The following ERBB4 variants were observed in gnomAD, a reference collection of about 807,000 sequenced individuals.
ERBB4 encodes the protein erb-b2 receptor tyrosine kinase 4.
A neutral mutation model predicts 158.0 loss-of-function variants in ERBB4; 42 were observed. That is an observed-to-expected ratio of 0.27 (90% CI 0.21 to 0.34). ERBB4 has a LOEUF of 0.34. Among genes scored for constraint, ERBB4 ranks in the 10% least tolerant of loss-of-function variants. The pLI is 1.00. For synonymous variants in ERBB4, 583 were observed against 558.7 expected (o/e 1.04, Z -0.61); for missense variants, 1,333 against 1,624.1 (o/e 0.82, Z 3.08).
intron 3 of ERBB4, among the ~76,000 whole-genome samples, chr2:211,807,022 A>T (rs2076634184): frequency 6.6e-6 from 1 of 152,114 alleles, no homozygotes; most frequent in African/African-American, 2.4e-5. Context: ...ATTCTGTTCA[A>T]TAGATGCCTT....
In ERBB4 at chr2:211,858,002, G is replaced by A. The variant is rs550181643; in HGVS notation, c.422-69843C>T. The stretch of plus-strand genomic sequence containing the variant: ...AATAGATGGCACGATGAATGTAAGC[G>A]TGCTTCTAATTCTGTAATTTGAAAG... On this transcript the variant is annotated intron_variant, in intron 3 of 27. Transcript: ENST00000342788. 3.2e-4 allele frequency among the ~76,000 whole-genome samples: 48 copies of A among 152,266 alleles called. 2 individuals are homozygous for A. The South Asian group carries it at 9.3e-3, about 30-fold the overall frequency.
chr2:211,944,571 CT>C (rs1215906455), intron 3 of ERBB4, among the ~76,000 whole-genome samples: 1 of 152,070 alleles, frequency 6.6e-6, no homozygotes, highest in Non-Finnish European at 1.5e-5. Context: ...AAAACCTTAT[CT>C]GTTCCTTTCC....
intron 1 of ERBB4, among the ~76,000 whole-genome samples, chr2:212,315,516 G>C (rs1489657697): frequency 2.6e-5 from 4 of 151,518 alleles, no homozygotes; most frequent in Non-Finnish European, 5.9e-5. Flanking sequence ...ACTTTGATTA[G>C]ATACTGATTC....
At chr2:211,686,948 G>A (rs1362457184) in intron 12 of ERBB4, among the ~76,000 whole-genome samples, 1 of 151,942 alleles carries the variant, frequency 6.6e-6, no homozygotes, top group Admixed American at 6.6e-5. Flanking sequence ...GATTTTATAG[G>A]TGGGCAGAGT....
At chr2:211,956,556 T>C (rs1201023891) in intron 2 of ERBB4, among the ~76,000 whole-genome samples, 2 of 152,058 alleles carry the variant, frequency 1.3e-5, no homozygotes, top group Non-Finnish European at 2.9e-5. Context: ...CAATATTACG[T>C]TCCTCTTCTG....
intron 1 of ERBB4, among the ~76,000 whole-genome samples, chr2:212,234,601 G>A (rs2105992964): frequency 6.6e-6 from 1 of 152,278 alleles, no homozygotes; most frequent in South Asian, 2.1e-4. Context: ...CCCACCAACA[G>A]CGTAAAAGCG....
intron 1 of ERBB4, among the ~76,000 whole-genome samples, chr2:212,138,234 C>T (rs892664180): frequency 2.0e-5 from 3 of 152,166 alleles, no homozygotes; most frequent in African/African-American, 4.8e-5. Flanking sequence ...GCCTACCACA[C>T]ATACGAAATA....
rs183261986 is a variant in ERBB4 at position 211,456,851 on chromosome 2, G to T, written c.2488-25751C>A. Among the ~76,000 whole-genome samples the T allele has an allele frequency of 4.0e-3, 605 of 152,260 alleles. 5 individuals are homozygous for T. The highest frequency in any genetic ancestry group is 0.014 in the African/African-American group (570 of 41,542). On this transcript the variant is annotated intron_variant, in intron 20 of 27. Coordinates refer to ENST00000342788, the MANE Select transcript of ERBB4 (RefSeq NM_005235.3). ...TGCTGCTGCTGATCTGACAGGAGGT[G>T]GAGCGCAGGCAGTAATGCTCACTTG...
intron 2 of ERBB4, among the ~76,000 whole-genome samples, chr2:211,982,991 T>C (rs2081845943): frequency 6.6e-6 from 1 of 152,224 alleles, no homozygotes; most frequent in South Asian, 2.1e-4. Flanking sequence ...TTAAAAATGT[T>C]ATATATTGAC....
intron 1 of ERBB4, among the ~76,000 whole-genome samples, chr2:212,389,888 T>C (rs1274814171): frequency 6.6e-6 from 1 of 151,726 alleles, no homozygotes; most frequent in African/African-American, 2.4e-5. Flanking sequence ...AATGGTATAA[T>C]AACTCATGTG....
rs1221634142 is a variant in ERBB4, at chr2:212,380,285, T to TA, written c.82+158163dup. 4.0e-5 allele frequency among the ~76,000 whole-genome samples: 6 copies of TA among 150,124 alleles called. No individual in the cohort carries two copies. The East Asian group carries it at 7.7e-4, about 19-fold the overall frequency. On this transcript the variant is annotated intron_variant, in intron 1 of 27. Coordinates refer to ENST00000342788, the MANE Select transcript of ERBB4 (RefSeq NM_005235.3). ...GACACTATTCTACATCTAATAAAGT[T>TA]AAAAAAACTATTTAAATAGCAATTA...
rs566049076 is a variant in ERBB4, at chr2:211,563,024, G to A, written c.2302-936C>T. ...CTGACCTTGTGATCCGCCCGCCTCGGCCTCCCAAAGTGTACTCCAACTTTT... is the reference window on the plus strand; with the variant it reads ...CTGACCTTGTGATCCGCCCGCCTCGACCTCCCAAAGTGTACTCCAACTTTT... On this transcript the variant is annotated intron_variant, in intron 19 of 27. Coordinates refer to ENST00000342788, the MANE Select transcript of ERBB4 (RefSeq NM_005235.3). 2.0e-5 allele frequency among the ~76,000 whole-genome samples: 3 copies of A among 152,128 alleles called. No individual in the cohort carries two copies. In the South Asian group the frequency reaches 6.2e-4, roughly 32 times the overall value.
At chr2:212,369,850 T>C (rs1025874124) in intron 1 of ERBB4, among the ~76,000 whole-genome samples, 2 of 152,046 alleles carry the variant, frequency 1.3e-5, no homozygotes, top group Non-Finnish European at 2.9e-5. Context: ...AGCCACTGCA[T>C]CTGGCTGGAA....
chr2:212,268,662 T>G (rs2085236293), intron 1 of ERBB4, among the ~76,000 whole-genome samples: 1 of 151,888 alleles, frequency 6.6e-6, no homozygotes, highest in Non-Finnish European at 1.5e-5. Context: ...TACTCAAATC[T>G]ATATTGTAGG....
chr2:211,648,979 C>T (rs1184465119), intron 16 of ERBB4, among the ~76,000 whole-genome samples: 1 of 151,846 alleles, frequency 6.6e-6, no homozygotes, highest in African/African-American at 2.4e-5. Flanking sequence ...TTTAAAATAA[C>T]TCTCACTTAA....
chr2:212,494,400 A>C (rs1690446070), intron 1 of ERBB4, among the ~76,000 whole-genome samples: 1 of 152,050 alleles, frequency 6.6e-6, no homozygotes, highest in Non-Finnish European at 1.5e-5. Context: ...CAAGATAATA[A>C]AATTGACCTG....
chr2:211,448,532 G>C (rs988196338), intron 20 of ERBB4, among the ~76,000 whole-genome samples: 1 of 151,568 alleles, frequency 6.6e-6, no homozygotes, highest in Non-Finnish European at 1.5e-5. Context: ...TATAAGAAAT[G>C]ATAATGAAGG....
chr2:211,909,341 C>A (rs930951174), intron 3 of ERBB4, among the ~76,000 whole-genome samples: 1 of 151,508 alleles, frequency 6.6e-6, no homozygotes, highest in South Asian at 2.1e-4. Context: ...TATATGGTCA[C>A]GTGTTACTTA....
At chr2:211,636,109 G>GT (rs202176757) in intron 16 of ERBB4, among the ~76,000 whole-genome samples, 1 of 109,814 alleles carries the variant, frequency 9.1e-6, no homozygotes, top group African/African-American at 3.1e-5. Flanking sequence ...GCGTGTGTGT[G>GT]TTTTTTTAAA....
Sources: gnomAD v4.1 joint callset for allele counts (sites outside exome capture counted in the v4.1 genomes callset) on GRCh38, gnomAD v4.1.1 for gene constraint, MANE v1.5 for transcripts, NCBI Gene and HGNC (gene_info 2026-07-23, HGNC 2026-07-21) for gene names.